DPP10: variants seen among roughly 807,000 people sequenced by gnomAD.
DPP10 encodes inactive dipeptidyl peptidase 10.
A neutral mutation model predicts 120.9 loss-of-function variants in DPP10; 33 were observed. The observed-to-expected ratio is 0.27, with a 90% CI of 0.21 to 0.37. The LOEUF (loss-of-function observed/expected upper bound fraction) is 0.37, where lower values mean the gene tolerates loss of function less well. Ranked by LOEUF, DPP10 falls within the 10% of genes least tolerant of loss-of-function variation. DPP10 has a pLI of 1.00. For missense variants in DPP10, 816 were observed against 942.8 expected, an observed-to-expected ratio of 0.87 and a Z score of 1.76; for synonymous variants, 337 against 326.1, an observed-to-expected ratio of 1.03 and a Z score of -0.36.
chr2:114,998,410 G>T (rs756004771), intron 1 of DPP10, among the ~76,000 whole-genome samples: 6 of 152,018 alleles, frequency 3.9e-5, no homozygotes, highest in Non-Finnish European at 8.8e-5. Context: ...AAGAATTATT[G>T]CTATATTAGG....
chr2:114,496,171 C>T (rs1038877311), intron 1 of DPP10, among the ~76,000 whole-genome samples: 3 of 152,120 alleles, frequency 2.0e-5, no homozygotes, highest in Admixed American at 6.6e-5. Flanking sequence ...GGGAGTGGGG[C>T]AGGGAGAGAA....
chr2:114,647,631 T>C (rs1164048477), intron 1 of DPP10, among the ~76,000 whole-genome samples: 4 of 151,896 alleles, frequency 2.6e-5, no homozygotes, highest in Admixed American at 6.6e-5. Flanking sequence ...CCATTAAAAA[T>C]GTGGCATCCA....
intron 5 of DPP10, among the ~76,000 whole-genome samples, chr2:115,646,377 T>TA (rs1000343953): frequency 9.9e-5 from 15 of 151,124 alleles, no homozygotes; most frequent in East Asian, 1.9e-4. Context: ...TGACTCTGGG[T>TA]AAAAAAAAAG....
chr2:115,486,676 G>A (rs1199279573), intron 3 of DPP10, among the ~76,000 whole-genome samples: 1 of 152,122 alleles, frequency 6.6e-6, no homozygotes, highest in Non-Finnish European at 1.5e-5. Context: ...GTTAAAGCTG[G>A]TGGTTATGCT....
intron 1 of DPP10, among the ~76,000 whole-genome samples, chr2:115,046,940 T>C (rs1367153604): frequency 6.6e-6 from 1 of 152,086 alleles, no homozygotes; most frequent in Non-Finnish European, 1.5e-5. Flanking sequence ...CTATATTTCT[T>C]ATTTTAATTT....
intron 3 of DPP10, among the ~76,000 whole-genome samples, chr2:115,490,228 C>T (rs1574999946): frequency 6.6e-6 from 1 of 152,222 alleles, no homozygotes; most frequent in African/African-American, 2.4e-5. Context: ...TTCTGCATGG[C>T]TAAGGAGGCC....
chr2:115,036,986 G>A (rs535773848), intron 1 of DPP10, among the ~76,000 whole-genome samples: 1 of 152,102 alleles, frequency 6.6e-6, no homozygotes, highest in Non-Finnish European at 1.5e-5. Flanking sequence ...TTCTGAGGGA[G>A]AGAAGTAATG....
intron 5 of DPP10, among the ~76,000 whole-genome samples, chr2:115,616,406 G>T (rs1306294954): frequency 6.6e-6 from 1 of 151,382 alleles, no homozygotes; most frequent in East Asian, 1.9e-4. Context: ...ACTATGTAAG[G>T]AATTTGCTTT....
At chr2:115,513,793 G>A (rs1035395530) in intron 4 of DPP10, among the ~76,000 whole-genome samples, 1 of 151,968 alleles carries the variant, frequency 6.6e-6, no homozygotes, top group East Asian at 1.9e-4. Context: ...TAAGAAAGGA[G>A]TTACAAGCAA....
chr2:114,489,153 G>GC (rs1681765535), intron 1 of DPP10, among the ~76,000 whole-genome samples: 1 of 152,164 alleles, frequency 6.6e-6, no homozygotes, highest in Non-Finnish European at 1.5e-5. Context: ...TGTCATCCAT[G>GC]CCCGGATCCC....
intron 1 of DPP10, among the ~76,000 whole-genome samples, chr2:115,300,108 T>C (rs968423280): frequency 6.6e-6 from 1 of 152,106 alleles, no homozygotes; most frequent in Non-Finnish European, 1.5e-5. Context: ...ATTATAGTAC[T>C]GTTCATTGAC....
At chr2:114,706,628 C>T (rs1373706615) in intron 1 of DPP10, among the ~76,000 whole-genome samples, 1 of 152,166 alleles carries the variant, frequency 6.6e-6, no homozygotes, top group Non-Finnish European at 1.5e-5. Context: ...AAATCTAGAA[C>T]CACATCACCT....
chr2:115,609,128 CAG>C, intron 5 of DPP10, among the ~76,000 whole-genome samples: 1 of 152,138 alleles, frequency 6.6e-6, no homozygotes, highest in East Asian at 1.9e-4. Context: ...GATTTGAAAA[CAG>C]AGGATGGAAT....
intron 1 of DPP10, among the ~76,000 whole-genome samples, chr2:115,228,268 T>A (rs954356990): frequency 6.6e-6 from 1 of 151,912 alleles, no homozygotes; most frequent in Non-Finnish European, 1.5e-5. Context: ...GTACAGGAGA[T>A]GCTTGATACA....
intron 1 of DPP10, among the ~76,000 whole-genome samples, chr2:114,465,261 A>G (rs922306917): frequency 6.6e-6 from 1 of 152,238 alleles, no homozygotes; most frequent in Non-Finnish European, 1.5e-5. Flanking sequence ...CGAAGTGTTT[A>G]GCACAGGGCC....
At chr2:115,296,745 A>T (rs1190691001) in intron 1 of DPP10, among the ~76,000 whole-genome samples, 1 of 152,062 alleles carries the variant, frequency 6.6e-6, no homozygotes, top group Non-Finnish European at 1.5e-5. Flanking sequence ...TACATTATTC[A>T]TCTTCCCAAA....
At chr2:114,663,231 G>A (rs1421306821) in intron 1 of DPP10, among the ~76,000 whole-genome samples, 1 of 143,628 alleles carries the variant, frequency 7.0e-6, no homozygotes, top group Non-Finnish European at 1.5e-5. Flanking sequence ...TGTATATTAA[G>A]AGCCTTGTGT....
chr2:114,822,339 C>G (rs562840174), intron 1 of DPP10, among the ~76,000 whole-genome samples: 4 of 152,118 alleles, frequency 2.6e-5, no homozygotes, highest in Admixed American at 6.6e-5. Context: ...ATGGAGCGAC[C>G]GAGACACAGG....
At chr2:114,753,334 A>G (rs951300696) in intron 1 of DPP10, among the ~76,000 whole-genome samples, 1 of 152,202 alleles carries the variant, frequency 6.6e-6, no homozygotes, top group Non-Finnish European at 1.5e-5. Flanking sequence ...TTTAATCAGT[A>G]ACTAAATTGA....
Sources: gnomAD v4.1 joint callset for allele counts (sites outside exome capture counted in the v4.1 genomes callset) on GRCh38, gnomAD v4.1.1 for gene constraint, MANE v1.5 for transcripts, NCBI Gene and HGNC (gene_info 2026-07-23, HGNC 2026-07-21) for gene names.